Variants in UACA observed in about 807,000 individuals in gnomAD.
UACA encodes nuclear membrane binding protein.
UACA carries 112 observed loss-of-function variants against 160.5 expected under a neutral mutation model. That is an observed-to-expected ratio of 0.70 (90% CI 0.60 to 0.82). UACA has a LOEUF of 0.82. Ranked by LOEUF, UACA falls within the 40% of genes least tolerant of loss-of-function variation. The pLI is 0.00. For missense variants in UACA, 1,574 were observed against 1,614.6 expected (o/e 0.97, Z 0.43); for synonymous variants, 557 against 568.4 (o/e 0.98, Z 0.29).
chr15:70,684,529 T>TAA, intron 7 of UACA, 83 bp from the exon 8 acceptor site: 2 of 1,384,250 alleles, frequency 1.4e-6, no homozygotes, highest in Non-Finnish European at 2.0e-6. Context: ...TGTTGAACAC[T>TAA]GTCTTAGTGT....
intron 1 of UACA, among the ~76,000 whole-genome samples, chr15:70,736,567 A>G (rs1899374099): frequency 6.6e-6 from 1 of 151,870 alleles, no homozygotes; most frequent in African/African-American, 2.4e-5. Flanking sequence ...CCCGAATAGC[A>G]GGGATTACAA....
At chr15:70,712,095 T>C (rs1400466406) in intron 1 of UACA, among the ~76,000 whole-genome samples, 4 of 151,008 alleles carry the variant, frequency 2.6e-5, no homozygotes, top group Non-Finnish European at 4.4e-5. Context: ...ATGATTCTTC[T>C]TGAGTGTTTT....
At chr15:70,717,516 G>T (rs77320273) in intron 1 of UACA, among the ~76,000 whole-genome samples, 4,038 of 152,192 alleles carry the variant, frequency 0.027, 204 homozygotes, top group African/African-American at 0.092. Context: ...TTCCACTAAA[G>T]CTTTATTTAT....
In UACA at chr15:70,763,398, G is replaced by T; in HGVS notation, c.10C>A (p.Leu4Ile). Residue 4 changes from leucine (L) to isoleucine (I), a missense_variant, in exon 1 of 19, where the codon CTC (leucine) becomes ATC (isoleucine). Transcript: ENST00000322954. ...TCCTGCCTCCTCAGGCGGGACTTGA[G>T]GCTCTTCATGGCTAACTCTTGCCTG... MKS[L>I]KSRLRRQDVP... 7.6e-7 allele frequency: 1 copy of T among 1,320,756 alleles called. No individual in the cohort carries two copies. Among genetic ancestry groups the T allele is most frequent in the Non-Finnish European group, 9.7e-7 (1 of 1,027,394 alleles). 81.8% of individuals were successfully genotyped at this position (1,320,756 alleles called of 1,614,324 possible). A position where few individuals can be genotyped will look rare whatever the true frequency, so the allele number is the denominator to read the frequency against.
At chr15:70,759,808 A>G (rs942404720) in intron 1 of UACA, among the ~76,000 whole-genome samples, 1 of 152,250 alleles carries the variant, frequency 6.6e-6, no homozygotes, top group African/African-American at 2.4e-5. Flanking sequence ...TTATATGTGT[A>G]CAAACATTCC....
At chr15:70,741,781 A>G (rs1899544708) in intron 1 of UACA, among the ~76,000 whole-genome samples, 1 of 152,212 alleles carries the variant, frequency 6.6e-6, no homozygotes, top group Non-Finnish European at 1.5e-5. Context: ...TCACAATGCA[A>G]AAGTATTCCT....
chr15:70,700,865 T>G (rs142248468), intron 1 of UACA, among the ~76,000 whole-genome samples: 1 of 152,194 alleles, frequency 6.6e-6, no homozygotes, highest in East Asian at 1.9e-4. Flanking sequence ...ATGAATCCTA[T>G]GGCCACAAAT....
rs758676774 is a variant in UACA at position 70,664,708 on chromosome 15, A to G, written c.4067T>C (p.Ile1356Thr). The stretch of plus-strand genomic sequence containing the variant: ...TTTCACTTGGTGCTGCAGAGTGTCA[A>G]TCAGCTGGCTCTGCCTCTTGGTGGG... ...GNPTKRQSQL[I>T]DTLQHQVKSL... Residue 1356 changes from isoleucine to threonine, a missense_variant, in exon 17 of 19, where the codon ATT (isoleucine) becomes ACT (threonine). Ile to Thr is a moderately conservative substitution (Grantham distance 89). Coordinates refer to ENST00000322954, the MANE Select transcript of UACA (RefSeq NM_018003.4). The G allele has an allele frequency of 4.3e-6, 7 of 1,613,522 alleles. No individual in the cohort carries two copies. The South Asian group carries it at 7.7e-5, about 18-fold the overall frequency.
chr15:70,774,405 G>A, the UACA span, among the ~76,000 whole-genome samples: 1 of 152,004 alleles, frequency 6.6e-6, no homozygotes, highest in African/African-American at 2.4e-5. Context: ...AATTAGCCAG[G>A]CGTGGTGGTG....
At chr15:70,737,600 C>T (rs140571774) in intron 1 of UACA, among the ~76,000 whole-genome samples, 2 of 151,928 alleles carry the variant, frequency 1.3e-5, no homozygotes, top group Admixed American at 1.3e-4. Context: ...CCCAGCTACT[C>T]GGAAGGCTGA....
At chr15:70,677,855 C>T (rs1328620670) in intron 11 of UACA, among the ~76,000 whole-genome samples, 1 of 152,100 alleles carries the variant, frequency 6.6e-6, no homozygotes, top group Non-Finnish European at 1.5e-5. Context: ...ACAGGAAGTG[C>T]CCCCCTCAGA....
chr15:70,735,422 A>G (rs933291116), intron 1 of UACA, among the ~76,000 whole-genome samples: 1 of 152,008 alleles, frequency 6.6e-6, no homozygotes, highest in Non-Finnish European at 1.5e-5. Flanking sequence ...TTGTCTAGGA[A>G]TATATCTGAG....
chr15:70,665,057 TA>T (rs949141358), intron 16 of UACA: 32 of 318,440 alleles, frequency 1.0e-4, no homozygotes, highest in African/African-American at 6.5e-4. Flanking sequence ...ACATATATCC[TA>T]AGATGTGAGT....
chr15:70,677,599 G>C (rs560122167), intron 11 of UACA, among the ~76,000 whole-genome samples: 1 of 152,108 alleles, frequency 6.6e-6, no homozygotes, highest in Non-Finnish European at 1.5e-5. Flanking sequence ...GATTTCACCT[G>C]TGGTAAGTCC....
intron 1 of UACA, among the ~76,000 whole-genome samples, chr15:70,718,373 T>TGTGTGTGTGTGTGTGTG (rs71152310): frequency 2.9e-5 from 4 of 139,408 alleles, no homozygotes; most frequent in Non-Finnish European, 3.1e-5. Flanking sequence ...TGTGTGTGTG[T>TGTGTGTGTGTGTGTGTG]TAGGAGTTGA....
intron 1 of UACA, among the ~76,000 whole-genome samples, chr15:70,727,167 G>A (rs1033404654): frequency 2.6e-5 from 4 of 152,008 alleles, no homozygotes; most frequent in African/African-American, 4.8e-5. Context: ...ATACATAATC[G>A]CAGCTTTTAA....
chr15:70,765,518 C>T (rs967573950), upstream of UACA, among the ~76,000 whole-genome samples: 2 of 152,314 alleles, frequency 1.3e-5, no homozygotes, highest in East Asian at 1.9e-4. Flanking sequence ...AATTATACCT[C>T]TCATATGATA....
At chr15:70,676,018 T>A (rs530793850) in intron 13 of UACA, among the ~76,000 whole-genome samples, 1 of 152,316 alleles carries the variant, frequency 6.6e-6, no homozygotes, top group Admixed American at 6.5e-5. Context: ...ATGAACGGAC[T>A]AAGGCACTTT....
intron 12 of UACA, 108 bp from the exon 13 acceptor site, chr15:70,676,699 T>C (rs1374905571): frequency 1.3e-5 from 11 of 821,522 alleles, no homozygotes; most frequent in Non-Finnish European, 1.9e-5. Flanking sequence ...CTGGAGTTAA[T>C]GAATTCTCCA....
Sources: gnomAD v4.1 joint callset for allele counts (sites outside exome capture counted in the v4.1 genomes callset) on GRCh38, gnomAD v4.1.1 for gene constraint, MANE v1.5 for transcripts, NCBI Gene and HGNC (gene_info 2026-07-23, HGNC 2026-07-21) for gene names.